RPS29: variants seen among roughly 807,000 people sequenced by gnomAD.
The protein encoded by RPS29 is small ribosomal subunit protein uS14.
For synonymous variants in RPS29, 37 were observed against 26.9 expected (o/e 1.37, Z -1.16); for missense variants, 60 against 75.7 (o/e 0.79, Z 0.77).
At chr14:49,582,972 T>G (rs1341452773), downstream of RPS29, among the ~76,000 whole-genome samples, 2 of 152,228 alleles carry the variant, frequency 1.3e-5, no homozygotes, top group Admixed American at 1.3e-4. Flanking sequence ...CTGTATCTAT[T>G]CAAAAGTGTG....
At chr14:49,585,850 A>T in intron 2 of RPS29, 100 bp downstream of exon 2, 1 of 872,898 alleles carries the variant, frequency 1.1e-6, no homozygotes, top group Non-Finnish European at 1.9e-6. Flanking sequence ...GCTCAGAATT[A>T]CCACTCCAGG....
exon 3 of RPS29, chr14:49,571,032 C>T (rs888627639): frequency 3.9e-5 from 6 of 152,116 alleles, no homozygotes; most frequent in African/African-American, 1.4e-4. Flanking sequence ...GTACATGCAC[C>T]AACTGAGTAG....
At chr14:49,585,598 G>C (rs1019391522) in intron 2 of RPS29, 24 of 357,208 alleles carry the variant, frequency 6.7e-5, no homozygotes, top group African/African-American at 5.2e-4. Context: ...AAAAAAAAAA[G>C]AGAATAGGTA....
chr14:49,577,667 C>G (rs1187516496), exon 3 of RPS29: 1 of 751,578 alleles, frequency 1.3e-6, no homozygotes, highest in Non-Finnish European at 2.4e-6. Flanking sequence ...TCTATGAACC[C>G]TGTTGTTAAT....
intron 2 of RPS29, among the ~76,000 whole-genome samples, chr14:49,584,823 C>A (rs1881465742): frequency 6.6e-6 from 1 of 151,550 alleles, no homozygotes; most frequent in Non-Finnish European, 1.5e-5. Context: ...AATAATTGAT[C>A]AGAAAGCTGG....
downstream of RPS29, among the ~76,000 whole-genome samples, chr14:49,582,607 A>T (rs1409382059): frequency 2.0e-5 from 3 of 152,262 alleles, no homozygotes; most frequent in Non-Finnish European, 4.4e-5. Flanking sequence ...CATCTGGCAT[A>T]CAGAACTCAA....
At chr14:49,591,281 G>A (rs1362329747), upstream of RPS29, among the ~76,000 whole-genome samples, 1 of 118,304 alleles carries the variant, frequency 8.5e-6, no homozygotes, top group Non-Finnish European at 1.9e-5. Flanking sequence ...AGTTTTTAGA[G>A]GTTTTCTGTT....
exon 3 of RPS29, chr14:49,577,558 T>C (rs570540673): frequency 8.0e-6 from 5 of 625,542 alleles, no homozygotes; most frequent in East Asian, 2.9e-5. Context: ...CTCCTTAACG[T>C]TGTGGACCAG....
chr14:49,593,018 T>G (rs989671649), intron 1 of RPS29, among the ~76,000 whole-genome samples: 8 of 152,212 alleles, frequency 5.3e-5, no homozygotes, highest in Non-Finnish European at 1.5e-5. Context: ...AGTTTTTATT[T>G]AAATCTTGAA....
chr14:49,598,251 A>G (rs764032697), intron 1 of RPS29: 147 of 589,082 alleles, frequency 2.5e-4, no homozygotes, highest in Non-Finnish European at 4.1e-4. Flanking sequence ...CCTGCTTAAC[A>G]TTTGCTCCCC....
upstream of RPS29, among the ~76,000 whole-genome samples, chr14:49,587,689 T>A (rs1881619777): frequency 6.6e-6 from 1 of 152,238 alleles, no homozygotes; most frequent in East Asian, 1.9e-4. Context: ...GACTTCAACA[T>A]ACAACGTTTG....
chr14:49,580,904 T>C (rs1285049601), downstream of RPS29, among the ~76,000 whole-genome samples: 1 of 121,762 alleles, frequency 8.2e-6, no homozygotes, highest in Non-Finnish European at 1.7e-5. Flanking sequence ...AAAAAAAAAA[T>C]GCTGGGTGCG....
chr14:49,590,400 C>T (rs1566485248), upstream of RPS29, among the ~76,000 whole-genome samples: 1 of 151,888 alleles, frequency 6.6e-6, no homozygotes, highest in East Asian at 2.0e-4. Context: ...CGCTTAAACC[C>T]AGGAGGCAGA....
downstream of RPS29, among the ~76,000 whole-genome samples, chr14:49,579,238 C>G (rs1881271413): frequency 6.6e-6 from 1 of 152,148 alleles, no homozygotes; most frequent in Admixed American, 6.5e-5. Flanking sequence ...GAGAAGGCAC[C>G]ATTTATGAGT....
intron 1 of RPS29, among the ~76,000 whole-genome samples, chr14:49,593,098 G>A (rs143760786): frequency 6.6e-6 from 1 of 152,214 alleles, no homozygotes; most frequent in African/African-American, 2.4e-5. Context: ...CCTCCCAAAT[G>A]GCTACTTATC....
intron 1 of RPS29, chr14:49,597,444 T>G (rs1197445367): frequency 4.6e-5 from 7 of 152,196 alleles, no homozygotes. Context: ...GTCCATTTAA[T>G]GTACTTGTAA....
At chr14:49,582,967 T>C (rs1053364078), downstream of RPS29, among the ~76,000 whole-genome samples, 1 of 152,202 alleles carries the variant, frequency 6.6e-6, no homozygotes, top group Non-Finnish European at 1.5e-5. Context: ...AGACCCTGTA[T>C]CTATTCAAAA....
downstream of RPS29, among the ~76,000 whole-genome samples, chr14:49,582,516 AAAT>A (rs1429469455): frequency 6.6e-6 from 1 of 152,142 alleles, no homozygotes; most frequent in Non-Finnish European, 1.5e-5. Context: ...GCTTTTTTTC[AAAT>A]AATGCACATT....
intron 1 of RPS29, among the ~76,000 whole-genome samples, chr14:49,595,008 G>A (rs1225445842): frequency 6.6e-6 from 1 of 152,080 alleles, no homozygotes; most frequent in Non-Finnish European, 1.5e-5. Context: ...TTCCCTCACT[G>A]GACGTACTTT....
Sources: allele counts gnomAD v4.1 joint callset (sites outside exome capture counted in the v4.1 genomes callset), GRCh38; gene constraint gnomAD v4.1.1; transcripts MANE v1.5; gene names NCBI Gene and HGNC (gene_info 2026-07-23, HGNC 2026-07-21).